Variants in SEMA3A observed in about 807,000 individuals in gnomAD.
SEMA3A encodes the protein semaphorin 3A.
A neutral mutation model predicts 97.9 loss-of-function variants in SEMA3A; 29 were observed. That is an observed-to-expected ratio of 0.30 (90% CI 0.22 to 0.40). The LOEUF is 0.40. Among genes scored for constraint, SEMA3A ranks in the 10% least tolerant of loss-of-function variants. The probability of loss-of-function intolerance (pLI) is 1.00; values close to 1 mark genes in which losing one functional copy is unlikely to be tolerated. For synonymous variants in SEMA3A, 321 were observed against 323.7 expected, an observed-to-expected ratio of 0.99 and a Z score of 0.09; for missense variants, 763 against 951.3, an observed-to-expected ratio of 0.80 and a Z score of 2.60.
rs111329256 is a variant in SEMA3A at position 84,280,503 on chromosome 7, G to A, written c.-83+26704C>T. ...TATTCTTTAAAATGTCTGTATAGTG[G>A]CCGGGCATGGTGGCTCATGCCTGAA... On this transcript the variant is annotated intron_variant, in intron 3 of 3. Coordinates refer to the SEMA3A transcript ENST00000424555. Among the ~76,000 whole-genome samples, 6 of 152,204 alleles carry A rather than the reference G, an allele frequency of 3.9e-5. 1 individual carries two copies. The highest frequency in any genetic ancestry group is 1.2e-4 in the African/African-American group (5 of 41,544).
intron 15 of SEMA3A, among the ~76,000 whole-genome samples, chr7:83,976,683 TTG>T (rs1230495070): frequency 1.3e-5 from 2 of 151,918 alleles, no homozygotes; most frequent in African/African-American, 4.8e-5. Context: ...TATCTTCTGC[TTG>T]ACTAGGATAC....
At chr7:84,234,568 T>C (rs1799190440) in intron 3 of SEMA3A, among the ~76,000 whole-genome samples, 1 of 152,082 alleles carries the variant, frequency 6.6e-6, no homozygotes, top group Non-Finnish European at 1.5e-5. Context: ...GTTCTTAACA[T>C]TCAAACTGAG....
At chr7:84,190,051 A>C (rs1331032751) in intron 1 of SEMA3A, among the ~76,000 whole-genome samples, 2 of 151,746 alleles carry the variant, frequency 1.3e-5, no homozygotes, top group Non-Finnish European at 3.0e-5. Context: ...TATTTATTTA[A>C]GTTGTTAGTG....
At chr7:83,967,975 A>G (rs1157820270) in intron 15 of SEMA3A, among the ~76,000 whole-genome samples, 1 of 152,122 alleles carries the variant, frequency 6.6e-6, no homozygotes, top group East Asian at 1.9e-4. Context: ...AATATATACT[A>G]CTTTATTATT....
chr7:84,053,809 A>C (rs934083626), intron 5 of SEMA3A, among the ~76,000 whole-genome samples: 7 of 129,380 alleles, frequency 5.4e-5, no homozygotes, highest in Admixed American at 1.7e-4. Context: ...TCCTAGTCTC[A>C]ATGGTCTTTA....
intron 1 of SEMA3A, among the ~76,000 whole-genome samples, chr7:84,424,525 A>C (rs1259840462): frequency 1.2e-5 from 1 of 86,504 alleles, no homozygotes; most frequent in Non-Finnish European, 2.0e-5. Flanking sequence ...AATATATGTT[A>C]TATATAATAT....
chr7:84,319,139 G>C lies in SEMA3A; in HGVS notation c.-168-11847C>G, dbSNP rs775291659. On this transcript the variant is annotated intron_variant, in intron 2 of 3. Coordinates refer to the SEMA3A transcript ENST00000424555. ...TTCACTGTACAGGTAAGAAAATGGA[G>C]GGAGAGAAAGCTCAATGAATTTGGA... is the stretch of plus-strand genomic sequence containing the variant. Among the ~76,000 whole-genome samples, 19 of 152,094 alleles carry C rather than the reference G, an allele frequency of 1.2e-4. 1 individual carries two copies. Among genetic ancestry groups the C allele is most frequent in the Non-Finnish European group, 2.5e-4 (17 of 68,030 alleles).
chr7:84,051,190 C>A (rs972936918), intron 5 of SEMA3A, among the ~76,000 whole-genome samples: 1 of 149,130 alleles, frequency 6.7e-6, no homozygotes, highest in Admixed American at 6.7e-5. Flanking sequence ...CTTTGCAATG[C>A]GGGCTCTTTT....
intron 5 of SEMA3A, among the ~76,000 whole-genome samples, chr7:84,051,031 A>T (rs1163775231): frequency 1.3e-5 from 2 of 151,596 alleles, no homozygotes; most frequent in East Asian, 1.9e-4. Flanking sequence ...GATATGTGGC[A>T]TTATTTCGGA....
At chr7:84,066,733 C>T (rs555740456) in intron 4 of SEMA3A, among the ~76,000 whole-genome samples, 1 of 151,710 alleles carries the variant, frequency 6.6e-6, no homozygotes, top group Admixed American at 6.6e-5. Context: ...AGGACCTCTT[C>T]AAGGAGAACT....
chr7:84,392,811 TC>T (rs2116180850), intron 1 of SEMA3A, among the ~76,000 whole-genome samples: 1 of 152,308 alleles, frequency 6.6e-6, no homozygotes, highest in African/African-American at 2.4e-5. Flanking sequence ...AAACAACTTT[TC>T]TTGAATCTGT....
chr7:84,375,611 G>A (rs566000048), intron 1 of SEMA3A, among the ~76,000 whole-genome samples: 51 of 152,036 alleles, frequency 3.4e-4, no homozygotes, highest in South Asian at 8.3e-4. Context: ...ATATTTTAAT[G>A]CAAAGATACC....
intron 3 of SEMA3A, among the ~76,000 whole-genome samples, chr7:84,248,551 A>G (rs1799527509): frequency 6.6e-6 from 1 of 151,994 alleles, no homozygotes; most frequent in Non-Finnish European, 1.5e-5. Context: ...TTCCTCTACA[A>G]TATGTCTCTA....
chr7:84,238,787 T>A (rs534741460), intron 3 of SEMA3A, among the ~76,000 whole-genome samples: 6 of 152,020 alleles, frequency 3.9e-5, no homozygotes, highest in South Asian at 4.1e-4. Context: ...TGATCTCAGC[T>A]CACCACAACC....
intron 1 of SEMA3A, among the ~76,000 whole-genome samples, chr7:84,378,559 G>A (rs1175716794): frequency 6.6e-6 from 1 of 152,038 alleles, no homozygotes; most frequent in Non-Finnish European, 1.5e-5. Flanking sequence ...GGCCTTTCGG[G>A]GTGTTGGGGG....
intron 1 of SEMA3A, among the ~76,000 whole-genome samples, chr7:84,380,557 A>G (rs990558288): frequency 1.3e-5 from 2 of 152,214 alleles, no homozygotes; most frequent in African/African-American, 4.8e-5. Flanking sequence ...GAATAAATTC[A>G]AGAAAAGTGA....
intron 3 of SEMA3A, among the ~76,000 whole-genome samples, chr7:84,226,397 T>C (rs1263210618): frequency 2.0e-5 from 3 of 152,110 alleles, no homozygotes; most frequent in African/African-American, 7.2e-5. Flanking sequence ...ACCCAGACTT[T>C]CAAGTGTTAT....
chr7:84,098,997 G>A (rs772717784), intron 4 of SEMA3A, among the ~76,000 whole-genome samples: 3 of 151,768 alleles, frequency 2.0e-5, no homozygotes, highest in African/African-American at 7.3e-5. Context: ...AACAACAATC[G>A]TGGACAATAG....
intron 2 of SEMA3A, among the ~76,000 whole-genome samples, chr7:84,348,619 A>C (rs1325871043): frequency 6.6e-6 from 1 of 152,236 alleles, no homozygotes; most frequent in Non-Finnish European, 1.5e-5. Context: ...GATAAAAGTC[A>C]GAATCTCGGT....
Sources: allele counts gnomAD v4.1 joint callset (sites outside exome capture counted in the v4.1 genomes callset), GRCh38; gene constraint gnomAD v4.1.1; transcripts MANE v1.5; gene names NCBI Gene and HGNC (gene_info 2026-07-23, HGNC 2026-07-21).